The following DENND1B variants were observed in gnomAD, a reference collection of about 807,000 sequenced individuals.
DENND1B encodes the protein DENN domain-containing protein 1B.
In DENND1B, 59 loss-of-function variants were observed where a neutral mutation model predicts 90.1. That is an observed-to-expected ratio of 0.65 (90% CI 0.53 to 0.81). DENND1B has a LOEUF of 0.81. Among genes scored for constraint, DENND1B ranks in the 40% least tolerant of loss-of-function variants. DENND1B has a pLI of 0.00. For missense variants in DENND1B, 862 were observed against 912.6 expected (o/e 0.94, Z 0.71); for synonymous variants, 337 against 324.6 (o/e 1.04, Z -0.41).
chr1:197,744,923 T>C (rs74763137), intron 2 of DENND1B, among the ~76,000 whole-genome samples: 2,319 of 152,334 alleles, frequency 0.015, 68 homozygotes, highest in African/African-American at 0.052. Flanking sequence ...CTTCACCATA[T>C]ACACTTTCAT....
chr1:197,607,182 A>G lies in DENND1B; in HGVS notation c.820-8T>C. On this transcript the variant is annotated splice_polypyrimidine_tract_variant and splice_region_variant and intron_variant, in intron 12 of 22. Coordinates refer to ENST00000620048, the MANE Select transcript of DENND1B (RefSeq NM_001195215.2). ...TGATTTGTTTTTCACTCTCTATAAA[A>G]AAAACACAATTATGAATACAAATCA... 4.0e-5 allele frequency: 62 copies of G among 1,539,282 alleles called. 1 individual carries two copies. Among genetic ancestry groups the G allele is most frequent in the Non-Finnish European group, 5.3e-5 (60 of 1,123,810 alleles).
In DENND1B at chr1:197,645,713, C is replaced by G; in HGVS notation, c.538G>C (p.Gly180Arg). 1 of 1,566,448 alleles carries G rather than the reference C, an allele frequency of 6.4e-7. No homozygotes were observed. The highest frequency in any genetic ancestry group is 8.6e-7 in the Non-Finnish European group (1 of 1,156,136). Residue 180 changes from glycine (G) to arginine (R), a missense_variant, in exon 9 of 23, where the codon GGA becomes CGA. Coordinates refer to ENST00000620048, the MANE Select transcript of DENND1B (RefSeq NM_001195215.2). ...ACACTCTCGGGTATTGTTGGGAGTC[C>G]AGTTACATCAGGGGCAATGAAGTAG... ...HSYFIAPDVT[G>R]LPTIPESRNL...
At chr1:197,735,687 G>A in intron 2 of DENND1B, 4 of 1,614,056 alleles carry the variant, frequency 2.5e-6, no homozygotes, top group African/African-American at 1.3e-5. Context: ...CCCCGGACAC[G>A]GGAGGCGCTA....
rs190902935 is a variant in DENND1B at position 197,557,232 on chromosome 1, T to A, written c.1150-4120A>T. Among the ~76,000 whole-genome samples the A allele has an allele frequency of 3.4e-4, 51 of 152,076 alleles. No individual in the cohort carries two copies. The East Asian group carries it at 7.7e-3, about 23-fold the overall frequency. Reference sequence around the variant, plus strand: ...TTTGATGGACTAGTTATAATTTTTTTAAAAATAAAGTGAAAGCAAAATGAT... The same window carrying A: ...TTTGATGGACTAGTTATAATTTTTTAAAAAATAAAGTGAAAGCAAAATGAT... On this transcript the variant is annotated intron_variant, in intron 15 of 22. Coordinates refer to ENST00000620048, the MANE Select transcript of DENND1B (RefSeq NM_001195215.2).
chr1:197,758,305 A>C lies in DENND1B; in HGVS notation c.82+14563T>G, dbSNP rs141788625. Among the ~76,000 whole-genome samples, 5 of 152,328 alleles carry C rather than the reference A, an allele frequency of 3.3e-5. No individual in the cohort carries two copies. The East Asian group carries it at 9.6e-4, about 29-fold the overall frequency. ...ATATTAAAGAGGGGACTTGGAAGTT[A>C]CTATGTGACCTTTCTTTAGCATTCC... On this transcript the variant is annotated intron_variant, in intron 2 of 22. Coordinates refer to ENST00000620048, the MANE Select transcript of DENND1B (RefSeq NM_001195215.2).
intron 19 of DENND1B, 82 bp from the exon 20 acceptor site, chr1:197,540,153 TG>T: frequency 1.1e-6 from 1 of 891,516 alleles, no homozygotes; most frequent in Non-Finnish European, 1.7e-6. Context: ...ACAAAGTATC[TG>T]ATATACATAC....
chr1:197,605,332 C>T (rs940695677), intron 13 of DENND1B: 9 of 150,982 alleles, frequency 6.0e-5, no homozygotes, highest in Middle Eastern at 7.0e-3. Flanking sequence ...ACTAATTCTA[C>T]TAGGAAAGTA....
chr1:197,587,620 T>C (rs769792217), intron 14 of DENND1B, among the ~76,000 whole-genome samples: 2 of 152,174 alleles, frequency 1.3e-5, no homozygotes, highest in Non-Finnish European at 2.9e-5. Flanking sequence ...AAATTCTTGA[T>C]CATCTTTGCA....
At chr1:197,701,068 C>G (rs993119952) in intron 3 of DENND1B, among the ~76,000 whole-genome samples, 3 of 152,136 alleles carry the variant, frequency 2.0e-5, no homozygotes, top group Non-Finnish European at 4.4e-5. Flanking sequence ...ACCCAGCAAT[C>G]CCACTACTAA....
intron 3 of DENND1B, among the ~76,000 whole-genome samples, chr1:197,688,124 A>T (rs145919353): frequency 1.3e-3 from 195 of 152,232 alleles, no homozygotes; most frequent in Middle Eastern, 3.4e-3. Flanking sequence ...GAAATGAAAG[A>T]TTTGCAAATG....
intron 15 of DENND1B, among the ~76,000 whole-genome samples, chr1:197,554,969 G>A (rs1375877627): frequency 2.6e-5 from 4 of 151,676 alleles, no homozygotes; most frequent in African/African-American, 7.3e-5. Flanking sequence ...ACAGATTCAT[G>A]TTCAAAATGT....
chr1:197,615,876 T>C (rs1037791686), intron 11 of DENND1B, among the ~76,000 whole-genome samples: 11 of 150,894 alleles, frequency 7.3e-5, no homozygotes, highest in African/African-American at 2.4e-4. Context: ...CCAAAGGCTA[T>C]TTCAGACATT....
chr1:197,758,960 ATTTTTT>A (rs759108636), intron 2 of DENND1B, among the ~76,000 whole-genome samples: 118 of 97,836 alleles, frequency 1.2e-3, no homozygotes, highest in African/African-American at 4.2e-3. Flanking sequence ...TACTTCATTA[ATTTTTT>A]TTTTTTTTTT....
intron 20 of DENND1B, among the ~76,000 whole-genome samples, chr1:197,537,044 G>GA (rs144198875): frequency 0.46 from 62,223 of 134,990 alleles, 13,839 homozygotes; most frequent in South Asian, 0.6. Context: ...CCGTCTCAGA[G>GA]AAAAAAAAAA....
chr1:197,619,065 T>A (rs1677914581), intron 10 of DENND1B, among the ~76,000 whole-genome samples: 1 of 151,240 alleles, frequency 6.6e-6, no homozygotes, highest in Non-Finnish European at 1.5e-5. Context: ...ATGTTTTTAA[T>A]CAGTTTTGTA....
chr1:197,686,488 C>T (rs182986219), intron 3 of DENND1B, among the ~76,000 whole-genome samples: 42 of 152,290 alleles, frequency 2.8e-4, no homozygotes, highest in Non-Finnish European at 4.9e-4. Context: ...CTAGTAATCT[C>T]TAGTTTCTAC....
chr1:197,672,864 G>C (rs1655661034), intron 4 of DENND1B, among the ~76,000 whole-genome samples: 2 of 151,976 alleles, frequency 1.3e-5, no homozygotes, highest in African/African-American at 4.8e-5. Flanking sequence ...TAAAACGTTA[G>C]ATTGAATCTT....
intron 2 of DENND1B, chr1:197,735,273 T>C (rs1391476646): frequency 1.6e-5 from 18 of 1,157,318 alleles, no homozygotes; most frequent in African/African-American, 3.2e-5. Context: ...TCCACCCAAA[T>C]ACTGGAGGCA....
chr1:197,748,443 AG>A (rs1393772984), intron 2 of DENND1B, among the ~76,000 whole-genome samples: 1 of 152,230 alleles, frequency 6.6e-6, no homozygotes, highest in Non-Finnish European at 1.5e-5. Context: ...TATATAACAT[AG>A]GAGAATTAAG....
Sources: gnomAD v4.1 joint callset for allele counts (sites outside exome capture counted in the v4.1 genomes callset) on GRCh38, gnomAD v4.1.1 for gene constraint, MANE v1.5 for transcripts, NCBI Gene and HGNC (gene_info 2026-07-23, HGNC 2026-07-21) for gene names.